The following SYNRG variants were observed in gnomAD, a reference collection of about 807,000 sequenced individuals.
The protein encoded by SYNRG is synergin gamma.
SYNRG carries 37 observed loss-of-function variants against 130.9 expected under a neutral mutation model. The observed-to-expected ratio is 0.28, with a 90% CI of 0.22 to 0.37. The LOEUF is 0.37. Among genes scored for constraint, SYNRG ranks in the 10% least tolerant of loss-of-function variants. SYNRG has a pLI of 1.00. For synonymous variants in SYNRG, 539 were observed against 568.1 expected, an observed-to-expected ratio of 0.95 and a Z score of 0.73; for missense variants, 1,338 against 1,588.9, an observed-to-expected ratio of 0.84 and a Z score of 2.68.
rs1172551153 is a variant in SYNRG, at chr17:37,599,198, G to T, written c.118+1165C>A. Reference sequence around the variant, plus strand: ...AGAGCCAGTTTTCAGAAGCAGCTTGGTGTGACGGGAGAGGGAAGACTGTCA... The same window carrying T: ...AGAGCCAGTTTTCAGAAGCAGCTTGTTGTGACGGGAGAGGGAAGACTGTCA... On this transcript the variant is annotated intron_variant, in intron 2 of 21. Coordinates refer to ENST00000612223, the MANE Select transcript of SYNRG (RefSeq NM_007247.6). Among the ~76,000 whole-genome samples, 9 of 152,186 alleles carry T rather than the reference G, an allele frequency of 5.9e-5. 1 individual carries two copies. The highest frequency in any genetic ancestry group is 2.2e-4 in the African/African-American group (9 of 41,442).
At chr17:37,574,179 G>A (rs1392610721) in intron 8 of SYNRG, among the ~76,000 whole-genome samples, 2 of 151,950 alleles carry the variant, frequency 1.3e-5, no homozygotes, top group African/African-American at 4.8e-5. Context: ...TTCGATAAAC[G>A]GTGCTGGAAA....
At position 37,529,080 on chromosome 17, in the gene SYNRG, T is replaced by C. The variant is rs1412534122; in HGVS notation, c.3666+6899A>G. Among the ~76,000 whole-genome samples, 3 of 152,322 alleles carry C rather than the reference T, an allele frequency of 2.0e-5. No homozygotes were observed. The East Asian group carries it at 5.8e-4, about 29-fold the overall frequency. ...ACCTGGTGTCTTGAAAAACAAAAGTTAGGTAAAACCACTCTTTAGCATCTA... is the reference window on the plus strand; with the variant it reads ...ACCTGGTGTCTTGAAAAACAAAAGTCAGGTAAAACCACTCTTTAGCATCTA... On this transcript the variant is annotated intron_variant, in intron 19 of 21. Coordinates refer to ENST00000612223, the MANE Select transcript of SYNRG (RefSeq NM_007247.6).
At chr17:37,561,683 T>C in intron 11 of SYNRG, 94 bp from the exon 12 acceptor site, 1 of 840,082 alleles carries the variant, frequency 1.2e-6, no homozygotes, top group Admixed American at 2.1e-5. Context: ...AGGTATTTCA[T>C]TAAAACTCAT....
chr17:37,595,165 A>G (rs1473037947), intron 3 of SYNRG, among the ~76,000 whole-genome samples: 1 of 152,212 alleles, frequency 6.6e-6, no homozygotes, highest in Non-Finnish European at 1.5e-5. Flanking sequence ...GAGACAGATA[A>G]AAAATGACAC....
chr17:37,529,699 G>C, intron 19 of SYNRG: 1 of 1,319,740 alleles, frequency 7.6e-7, no homozygotes, highest in Non-Finnish European at 1.1e-6. Flanking sequence ...AGAAGTAAAC[G>C]CACAGCAGCA....
chr17:37,531,715 G>T (rs763646200), intron 19 of SYNRG, among the ~76,000 whole-genome samples: 1 of 151,962 alleles, frequency 6.6e-6, no homozygotes, highest in Non-Finnish European at 1.5e-5. Context: ...GGAGGTCAAG[G>T]CTGCTGTGAA....
At chr17:37,596,016 A>C (rs745973892) in intron 3 of SYNRG, among the ~76,000 whole-genome samples, 7 of 152,176 alleles carry the variant, frequency 4.6e-5, no homozygotes, top group Non-Finnish European at 1.0e-4. Flanking sequence ...TGGCCTCCCA[A>C]AGTGCTGGGA....
chr17:37,609,239 G>A, intron 1 of SYNRG, 40 bp downstream of exon 1: 4 of 1,395,126 alleles, frequency 2.9e-6, no homozygotes, highest in Non-Finnish European at 3.7e-6. Flanking sequence ...CGCCGCCCCC[G>A]CGGAGGCCAG....
At chr17:37,594,237 CAATATTAATTATTTTAATTATATT>C (rs2062507052) in intron 3 of SYNRG, among the ~76,000 whole-genome samples, 2 of 133,636 alleles carry the variant, frequency 1.5e-5, no homozygotes, top group African/African-American at 5.7e-5. Context: ...ATATTAATTA[CAATATTAATTATTTTAATTATATT>C]AATTACAATA....
intron 1 of SYNRG, among the ~76,000 whole-genome samples, chr17:37,604,694 G>C (rs1380142807): frequency 6.6e-6 from 1 of 152,176 alleles, no homozygotes; most frequent in African/African-American, 2.4e-5. Flanking sequence ...CCTCGCTTTT[G>C]ACCTACCTCA....
Position 37,577,605 on chromosome 17 carries a change from A to C in SYNRG, c.598T>G (p.Leu200Val). The C allele has an allele frequency of 6.2e-7, 1 of 1,613,602 alleles. No homozygotes were observed. The highest frequency in any genetic ancestry group is 1.7e-5 in the Admixed American group (1 of 60,004). The stretch of plus-strand genomic sequence containing the variant: ...CAAGATACTAGGAACTTCTCCTCCA[A>C]GGAAGGGCCTAAACAAAGAGCATGA... The part of the protein sequence containing the change: ...ASHPKKPGPS[L>V]EEKFLVSCDI... Residue 200 changes from leucine to valine, a missense_variant, in exon 7 of 22, where the codon TTG (leucine) becomes GTG (valine). Leu to Val is a conservative substitution (Grantham distance 32). Around this residue, in one of 3 missense-constraint regions of SYNRG, gnomAD observed 1,146 missense variants for 1,342.3 expected, o/e 0.85. Transcript: ENST00000612223.
chr17:37,557,626 C>A (rs530821957), intron 13 of SYNRG, among the ~76,000 whole-genome samples: 1 of 152,158 alleles, frequency 6.6e-6, no homozygotes, highest in African/African-American at 2.4e-5. Context: ...CACTTGTAAT[C>A]CCAGCATTTT....
rs1175917897 is a variant in SYNRG, at chr17:37,517,941, T to TGGA, written c.*998_*999insTCC. On this transcript the variant is annotated 3_prime_UTR_variant, in exon 22 of 22. Transcript: ENST00000612223. ...TCAGTACTGTTTCTGGACAATTTTCTTCTACTTCTTCTAAGTCATGTATCT... is the reference window on the plus strand; with the variant it reads ...TCAGTACTGTTTCTGGACAATTTTCTGGATCTACTTCTTCTAAGTCATGTATCT... The TGGA allele has an allele frequency of 2.6e-5, 4 of 152,240 alleles. No homozygotes were observed. Among genetic ancestry groups the TGGA allele is most frequent in the Non-Finnish European group, 5.9e-5 (4 of 68,034 alleles). 9.4% of individuals were successfully genotyped at this position (152,240 alleles called of 1,614,324 possible). A position where few individuals can be genotyped will look rare whatever the true frequency, so the allele number is the denominator to read the frequency against.
At position 37,609,313 on chromosome 17, in the gene SYNRG, C is replaced by T. The variant is rs763881031; in HGVS notation, c.43G>A (p.Ala15Thr). The stretch of plus-strand genomic sequence containing the variant: ...CCGGCGGACCCCGCGCCAGCTCCCG[C>T]GGCCCCGCCGCCACCAGAACCAGCT... ...PGAGSGGGGA[A>T]GAGAGSAGGG... is the part of the protein sequence containing the mutation. The change falls in exon 1 of 22, where the codon GCG (alanine) becomes ACG (threonine). Residue 15 changes from alanine (A) to threonine (T), a missense_variant. Transcript: ENST00000612223. The T allele has an allele frequency of 2.7e-6, 4 of 1,464,438 alleles. No individual in the cohort carries two copies. The South Asian group carries it at 5.2e-5, about 19-fold the overall frequency. 90.7% of individuals were successfully genotyped at this position (1,464,438 alleles called of 1,614,324 possible).
intron 15 of SYNRG, 47 bp downstream of exon 15, chr17:37,541,925 A>T: frequency 1.3e-6 from 2 of 1,517,322 alleles, no homozygotes; most frequent in Non-Finnish European, 1.8e-6. Flanking sequence ...CTAACATCTC[A>T]GTGGAAAAAA....
chr17:37,561,682 A>G, intron 11 of SYNRG, 93 bp from the exon 12 acceptor site: 1 of 837,824 alleles, frequency 1.2e-6, no homozygotes, highest in Middle Eastern at 2.3e-4. Flanking sequence ...CAGGTATTTC[A>G]TTAAAACTCA....
chr17:37,602,238 G>C (rs2147079336), intron 1 of SYNRG, among the ~76,000 whole-genome samples: 1 of 152,000 alleles, frequency 6.6e-6, no homozygotes, highest in Middle Eastern at 3.4e-3. Flanking sequence ...AGGAGGCTGT[G>C]AGGCAGGAGA....
intron 3 of SYNRG, among the ~76,000 whole-genome samples, chr17:37,589,403 A>T (rs1227076952): frequency 6.6e-6 from 1 of 152,236 alleles, no homozygotes; most frequent in Non-Finnish European, 1.5e-5. Flanking sequence ...AATCCAAAGC[A>T]TATAAAGAAA....
chr17:37,604,928 C>T (rs564247676), intron 1 of SYNRG, among the ~76,000 whole-genome samples: 7 of 152,274 alleles, frequency 4.6e-5, no homozygotes, highest in African/African-American at 7.2e-5. Context: ...TTATCAATTA[C>T]GTTTGCTGTC....
Sources: gnomAD v4.1 joint callset for allele counts (sites outside exome capture counted in the v4.1 genomes callset) on GRCh38, gnomAD v4.1.1 for gene constraint, gnomAD v4.1.1 regional missense constraint, MANE v1.5 for transcripts, NCBI Gene and HGNC (gene_info 2026-07-23, HGNC 2026-07-21) for gene names.